RAB1A: variants seen among roughly 807,000 people sequenced by gnomAD.
RAB1A encodes the protein ras-related protein Rab-1A.
In RAB1A, 2 loss-of-function variants were observed where a neutral mutation model predicts 26.0. The ratio of observed to expected loss-of-function variants is 0.08; its 90% confidence interval spans 0.03 to 0.24. RAB1A has a LOEUF of 0.24. Among genes scored for constraint, RAB1A ranks in the 10% least tolerant of loss-of-function variants. The pLI is 1.00. For synonymous variants in RAB1A, 84 were observed against 84.9 expected (o/e 0.99, Z 0.06); for missense variants, 100 against 247.0 (o/e 0.40, Z 3.99).
intron 1 of RAB1A, among the ~76,000 whole-genome samples, chr2:65,119,509 C>T (rs1352450458): frequency 6.7e-6 from 1 of 150,048 alleles, no homozygotes; most frequent in African/African-American, 2.5e-5. Flanking sequence ...TGCAATGACC[C>T]GAAATCGAGC....
chr2:65,100,258 G>C (rs1408805899), intron 2 of RAB1A, among the ~76,000 whole-genome samples: 3 of 151,692 alleles, frequency 2.0e-5, no homozygotes, highest in Non-Finnish European at 2.9e-5. Context: ...AAAATTAGCT[G>C]GACGTGGTGG....
chr2:65,106,529 T>G, intron 1 of RAB1A: 1 of 182,218 alleles, frequency 5.5e-6, no homozygotes, highest in South Asian at 8.0e-5. Flanking sequence ...TTGTTTGGGT[T>G]TTAGCAAATT....
At chr2:65,122,739 G>A (rs934346214) in intron 1 of RAB1A, among the ~76,000 whole-genome samples, 8 of 151,986 alleles carry the variant, frequency 5.3e-5, no homozygotes, top group Non-Finnish European at 2.9e-5. Flanking sequence ...CACTTTGAGA[G>A]GCAGAGGCAG....
At chr2:65,099,996 T>C (rs1289361899) in intron 2 of RAB1A, among the ~76,000 whole-genome samples, 1 of 151,776 alleles carries the variant, frequency 6.6e-6, no homozygotes, top group Non-Finnish European at 1.5e-5. Context: ...AATATATAAA[T>C]AAAAAAGATA....
intron 1 of RAB1A, among the ~76,000 whole-genome samples, chr2:65,121,938 C>T (rs951552570): frequency 6.6e-6 from 1 of 152,106 alleles, no homozygotes; most frequent in Non-Finnish European, 1.5e-5. Context: ...GCAGGCGGAT[C>T]ACCTGAGGTC....
intron 1 of RAB1A, among the ~76,000 whole-genome samples, chr2:65,110,499 G>A (rs1009534898): frequency 4.7e-5 from 7 of 150,108 alleles, no homozygotes; most frequent in African/African-American, 1.5e-4. Context: ...AATTAAGTAC[G>A]TATTAGATTA....
intron 1 of RAB1A, among the ~76,000 whole-genome samples, chr2:65,109,187 A>G (rs1390441061): frequency 6.6e-6 from 1 of 152,252 alleles, no homozygotes; most frequent in Non-Finnish European, 1.5e-5. Flanking sequence ...ATAATTTACA[A>G]AACACCACAC....
chr2:65,123,998 A>T (rs551334261), intron 1 of RAB1A, among the ~76,000 whole-genome samples: 3 of 151,592 alleles, frequency 2.0e-5, no homozygotes, highest in African/African-American at 7.3e-5. Context: ...TTTATTTTTT[A>T]TTTTTTTGAG....
At chr2:65,089,613 T>C (rs1459342763) in intron 4 of RAB1A, among the ~76,000 whole-genome samples, 1 of 152,198 alleles carries the variant, frequency 6.6e-6, no homozygotes, top group African/African-American at 2.4e-5. Context: ...GAAGTATAGC[T>C]TAATATTAAA....
At chr2:65,110,470 C>T (rs1275176706) in intron 1 of RAB1A, among the ~76,000 whole-genome samples, 1 of 145,858 alleles carries the variant, frequency 6.9e-6, no homozygotes, top group African/African-American at 2.5e-5. Context: ...CAAGCCAGAA[C>T]AATTTGAGGC....
intron 3 of RAB1A, among the ~76,000 whole-genome samples, chr2:65,097,415 G>GC (rs1669315238): frequency 6.6e-6 from 1 of 152,144 alleles, no homozygotes; most frequent in Non-Finnish European, 1.5e-5. Context: ...GTAACTGTAG[G>GC]CAAGTCATTA....
At chr2:65,103,746 T>A (rs1210926860) in intron 2 of RAB1A, among the ~76,000 whole-genome samples, 4 of 152,034 alleles carry the variant, frequency 2.6e-5, no homozygotes, top group Non-Finnish European at 5.9e-5. Flanking sequence ...GAAACAATGA[T>A]CTCTAGAAGG....
intron 1 of RAB1A, among the ~76,000 whole-genome samples, chr2:65,127,523 T>C (rs1670126378): frequency 6.6e-6 from 1 of 152,086 alleles, no homozygotes; most frequent in African/African-American, 2.4e-5. Context: ...CTTCGGGAGT[T>C]TGAGACCAGC....
At chr2:65,119,607 T>C (rs1022243286) in intron 1 of RAB1A, among the ~76,000 whole-genome samples, 1 of 149,570 alleles carries the variant, frequency 6.7e-6, no homozygotes, top group Non-Finnish European at 1.5e-5. Flanking sequence ...AAAAACCCTA[T>C]CAGAATGAAT....
chr2:65,100,660 C>G (rs113467506), intron 2 of RAB1A, among the ~76,000 whole-genome samples: 15,657 of 146,736 alleles, frequency 0.11, 1,100 homozygotes, highest in Middle Eastern at 0.22. Flanking sequence ...GTCAGGAGAC[C>G]AAGATGGAGA....
At chr2:65,115,533 C>T (rs1243631584) in intron 1 of RAB1A, among the ~76,000 whole-genome samples, 2 of 152,148 alleles carry the variant, frequency 1.3e-5, no homozygotes, top group Non-Finnish European at 2.9e-5. Context: ...TCATATGCTT[C>T]TGTACTGTGA....
At chr2:65,126,415 C>T (rs6730986) in intron 1 of RAB1A, among the ~76,000 whole-genome samples, 108,547 of 151,562 alleles carry the variant, frequency 0.72, 39,250 homozygotes, top group African/African-American at 0.81. Flanking sequence ...GGCCAAGGCC[C>T]GGGCGACAGA....
chr2:65,111,217 C>G (rs1573080894), intron 1 of RAB1A, among the ~76,000 whole-genome samples: 1 of 152,066 alleles, frequency 6.6e-6, no homozygotes, highest in African/African-American at 2.4e-5. Context: ...AAAAAATTAG[C>G]CAGGCGTGGT....
rs537032834 is a variant in RAB1A, at chr2:65,088,634, C to T, written c.477G>A (p.Thr159=). 10 of 1,613,226 alleles carry T rather than the reference C, an allele frequency of 6.2e-6. No homozygotes were observed. The highest frequency in any genetic ancestry group is 8.5e-6 in the Non-Finnish European group (10 of 1,179,574). The change falls in exon 6 of 6, where the codon ACG becomes ACA. Residue 159 remains threonine (T), a synonymous_variant. Transcript: ENST00000409784. ...PFLETSAKNA[T]NVEQSFMTMA... ...TCGTCATGAAAGACTGTTCTACATT[C>T]GTTGCATTCTTAGCACTGGTTTCCA...
Sources: gnomAD v4.1 joint callset for allele counts (sites outside exome capture counted in the v4.1 genomes callset) on GRCh38, gnomAD v4.1.1 for gene constraint, MANE v1.5 for transcripts, NCBI Gene and HGNC (gene_info 2026-07-23, HGNC 2026-07-21) for gene names.